NPNT: variants seen among roughly 807,000 people sequenced by gnomAD.
The protein encoded by NPNT is preosteoblast EGF-like repeat protein with MAM domain.
A neutral mutation model predicts 68.6 loss-of-function variants in NPNT; 45 were observed. The ratio of observed to expected loss-of-function variants is 0.66; its 90% CI spans 0.52 to 0.84. The LOEUF (loss-of-function observed/expected upper bound fraction) is 0.84. Among genes scored for constraint, NPNT ranks in the 40% least tolerant of loss-of-function variants. The probability of loss-of-function intolerance (pLI) is 0.00; values close to 1 mark genes in which losing one functional copy is unlikely to be tolerated. For synonymous variants in NPNT, 233 were observed against 253.3 expected, an observed-to-expected ratio of 0.92 and a Z score of 0.76; for missense variants, 672 against 714.8, an observed-to-expected ratio of 0.94 and a Z score of 0.68.
intron 2 of NPNT, among the ~76,000 whole-genome samples, chr4:105,913,484 A>G (rs1178403314): frequency 6.6e-6 from 1 of 152,184 alleles, no homozygotes; most frequent in Non-Finnish European, 1.5e-5. Context: ...AGACATTTTA[A>G]CTTTTCTGAG....
At chr4:105,926,280 A>T (rs7696538) in intron 2 of NPNT, among the ~76,000 whole-genome samples, 9 of 152,136 alleles carry the variant, frequency 5.9e-5, no homozygotes, top group African/African-American at 1.9e-4. Context: ...TTTTTATCTC[A>T]ATTGTAGACT....
chr4:105,945,851 A>G (rs1174113238), intron 8 of NPNT, among the ~76,000 whole-genome samples: 1 of 152,232 alleles, frequency 6.6e-6, no homozygotes, highest in Non-Finnish European at 1.5e-5. Flanking sequence ...GGAAAATGAT[A>G]TTAACTCAGA....
At chr4:105,941,530 C>T (rs1029432551) in intron 7 of NPNT, among the ~76,000 whole-genome samples, 3 of 151,906 alleles carry the variant, frequency 2.0e-5, no homozygotes, top group South Asian at 4.1e-4. Context: ...AAATTTCCTC[C>T]GTAAAATATT....
At chr4:105,919,799 T>G (rs1453063019) in intron 2 of NPNT, among the ~76,000 whole-genome samples, 1 of 151,974 alleles carries the variant, frequency 6.6e-6, no homozygotes, top group Non-Finnish European at 1.5e-5. Context: ...GATATTAAGT[T>G]TGATCACTTG....
intron 8 of NPNT, among the ~76,000 whole-genome samples, chr4:105,951,131 C>T (rs939670380): frequency 6.6e-6 from 1 of 152,080 alleles, no homozygotes; most frequent in African/African-American, 2.4e-5. Context: ...TGGATGGAGT[C>T]AGAACTAGCC....
intron 2 of NPNT, among the ~76,000 whole-genome samples, chr4:105,913,886 A>G (rs1727580248): frequency 2.0e-5 from 3 of 152,136 alleles, no homozygotes; most frequent in South Asian, 4.1e-4. Flanking sequence ...TGCTTGGGAA[A>G]TGAATTGAAG....
At chr4:105,938,174 G>T in intron 4 of NPNT, 127 bp from the exon 5 acceptor site, 1 of 771,672 alleles carries the variant, frequency 1.3e-6, no homozygotes, top group South Asian at 2.0e-5. Context: ...ATGTTTGATA[G>T]TTAAGGCCTC....
intron 2 of NPNT, among the ~76,000 whole-genome samples, chr4:105,901,669 G>A (rs1726429875): frequency 6.6e-6 from 1 of 152,148 alleles, no homozygotes; most frequent in African/African-American, 2.4e-5. Flanking sequence ...AAATTGAGAT[G>A]TTTTCTTATG....
intron 2 of NPNT, among the ~76,000 whole-genome samples, chr4:105,898,322 C>CTCTCTG (rs1560881710): frequency 6.5e-5 from 8 of 122,746 alleles, no homozygotes; most frequent in South Asian, 2.5e-4. Context: ...GTCTCTCTCT[C>CTCTCTG]TCTCTGTCTC....
rs754202957 is a variant in NPNT, at chr4:105,912,922, C to T, written c.173-14414C>T. ...TTGCTCTGTTGCCCAAGGTGGAGTGCGCTGGTGTGATCTTGGCTTACTGCA... is the reference window on the plus strand; with the variant it reads ...TTGCTCTGTTGCCCAAGGTGGAGTGTGCTGGTGTGATCTTGGCTTACTGCA... On this transcript the variant is annotated intron_variant, in intron 2 of 11. Coordinates refer to ENST00000379987, the MANE Select transcript of NPNT (RefSeq NM_001033047.3). Among the ~76,000 whole-genome samples the T allele has an allele frequency of 2.0e-4, 31 of 152,144 alleles. 1 individual carries two copies. Among genetic ancestry groups the T allele is most frequent in the Admixed American group, 1.1e-3 (17 of 15,258 alleles).
chr4:105,948,620 A>T (rs4380529), intron 8 of NPNT, among the ~76,000 whole-genome samples: 127,573 of 152,112 alleles, frequency 0.84, 54,819 homozygotes, highest in East Asian at 1. Context: ...GCAACTTTTT[A>T]TGTGTGATGT....
At chr4:105,937,152 T>A (rs367578166) in intron 4 of NPNT, 24 bp downstream of exon 4, 32 of 1,611,100 alleles carry the variant, frequency 2.0e-5, no homozygotes, top group Non-Finnish European at 2.6e-5. Context: ...CTTAACTGTT[T>A]TATAAGTGCT....
At chr4:105,949,900 T>C (rs543202055) in intron 8 of NPNT, among the ~76,000 whole-genome samples, 3 of 152,296 alleles carry the variant, frequency 2.0e-5, no homozygotes, top group South Asian at 2.1e-4. Flanking sequence ...TAACCATGAG[T>C]ATATCCTGTT....
intron 3 of NPNT, among the ~76,000 whole-genome samples, chr4:105,927,958 G>A (rs763043235): frequency 3.9e-5 from 6 of 152,064 alleles, no homozygotes; most frequent in Non-Finnish European, 5.9e-5. Context: ...AGCATCAGTT[G>A]TTTAAAGCAA....
chr4:105,948,788 A>G (rs564849695), intron 8 of NPNT, among the ~76,000 whole-genome samples: 11 of 151,948 alleles, frequency 7.2e-5, no homozygotes, highest in Non-Finnish European at 1.3e-4. Flanking sequence ...TGTGGATACA[A>G]ATTCTTACTG....
intron 10 of NPNT, 88 bp downstream of exon 10, chr4:105,959,214 A>G: frequency 1.3e-6 from 1 of 789,594 alleles, no homozygotes; most frequent in Non-Finnish European, 2.2e-6. Context: ...AGTCTACTGT[A>G]ACACATCTCT....
chr4:105,909,374 A>G (rs1727172956), intron 2 of NPNT, among the ~76,000 whole-genome samples: 1 of 152,220 alleles, frequency 6.6e-6, no homozygotes. Context: ...TGTATGGCCA[A>G]GAATTAAGAC....
At chr4:105,926,866 T>G (rs1050202756) in intron 2 of NPNT, among the ~76,000 whole-genome samples, 1 of 152,210 alleles carries the variant, frequency 6.6e-6, no homozygotes, top group African/African-American at 2.4e-5. Context: ...TTGAATCCTT[T>G]CATACTTAGG....
At chr4:105,957,292 A>T (rs1287377515) in intron 8 of NPNT, among the ~76,000 whole-genome samples, 2 of 152,084 alleles carry the variant, frequency 1.3e-5, no homozygotes, top group Non-Finnish European at 2.9e-5. Context: ...TCCCATTAGA[A>T]TTCAAGCCAT....
Sources: allele counts gnomAD v4.1 joint callset (sites outside exome capture counted in the v4.1 genomes callset), GRCh38; gene constraint gnomAD v4.1.1; transcripts MANE v1.5; gene names NCBI Gene and HGNC (gene_info 2026-07-23, HGNC 2026-07-21).